DDX52: variants seen among roughly 807,000 people sequenced by gnomAD.
DDX52 encodes DExD-box helicase 52, also known as probable ATP-dependent RNA helicase DDX52.
DDX52 carries 59 observed loss-of-function variants against 76.1 expected under a neutral mutation model. The observed-to-expected ratio is 0.78, with a 90% CI of 0.63 to 0.96. The LOEUF is 0.96. Ranked by LOEUF, DDX52 falls within the 40% of genes least tolerant of loss-of-function variation. The probability of loss-of-function intolerance (pLI) is 0.00; values close to 1 mark genes in which losing one functional copy is unlikely to be tolerated. For missense variants in DDX52, 707 were observed against 703.9 expected (o/e 1.00, Z -0.05); for synonymous variants, 231 against 244.1 (o/e 0.95, Z 0.50).
At chr17:37,629,965 T>C in intron 5 of DDX52, 65 bp downstream of exon 5, 1 of 1,549,922 alleles carries the variant, frequency 6.5e-7, no homozygotes, top group Non-Finnish European at 8.7e-7. Flanking sequence ...TTTTATTACC[T>C]TCAAATAAGA....
At chr17:37,616,307 C>A (rs1049227488) in intron 14 of DDX52, among the ~76,000 whole-genome samples, 3 of 152,150 alleles carry the variant, frequency 2.0e-5, no homozygotes, top group Non-Finnish European at 4.4e-5. Flanking sequence ...TACCAATCCA[C>A]TGGTCTAAGT....
At chr17:37,626,907 CT>C in intron 6 of DDX52, 47 bp from the exon 7 acceptor site, 1 of 1,512,154 alleles carries the variant, frequency 6.6e-7, no homozygotes, top group Non-Finnish European at 9.1e-7. Flanking sequence ...GGATTTATCC[CT>C]CTTGAACTAG....
chr17:37,640,705 A>G (rs79694815), intron 2 of DDX52, among the ~76,000 whole-genome samples: 12 of 140,320 alleles, frequency 8.6e-5, no homozygotes, highest in African/African-American at 3.3e-4. Context: ...AAAAAAAAAA[A>G]GGCCAGGCGC....
intron 12 of DDX52, chr17:37,620,156 G>C (rs2030008941): frequency 3.6e-6 from 1 of 280,898 alleles, no homozygotes; most frequent in South Asian, 8.2e-5. Flanking sequence ...TTCATTAAGT[G>C]AAAGTGCCTA....
intron 12 of DDX52, chr17:37,620,634 T>C (rs1314076045): frequency 1.0e-5 from 4 of 394,508 alleles, no homozygotes; most frequent in Non-Finnish European, 1.8e-5. Context: ...GAGTCCTGAG[T>C]CTGAAACTTA....
chr17:37,624,239 G>A, intron 9 of DDX52, 105 bp downstream of exon 9: 5 of 713,984 alleles, frequency 7.0e-6, no homozygotes, highest in East Asian at 2.7e-5. Flanking sequence ...TACTGAATAC[G>A]AGCCAAGATG....
At chr17:37,628,719 A>T in intron 5 of DDX52, 47 bp from the exon 6 acceptor site, 1 of 1,342,584 alleles carries the variant, frequency 7.4e-7, no homozygotes, top group Non-Finnish European at 1.0e-6. Flanking sequence ...ATACTTGGAC[A>T]AGATGTATAC....
rs2029996835 is a variant in DDX52, at chr17:37,619,940, A to G, written c.1578-101T>C. ...CCTTACAGGGAACTAAAACTACACA[A>G]AGTAATCCACAAAGTGTTCTGATAT... is the stretch of plus-strand genomic sequence containing the variant. On this transcript the variant is annotated intron_variant, in intron 12 of 14. Transcript: ENST00000617633. 10 of 1,100,136 alleles carry G rather than the reference A, an allele frequency of 9.1e-6. No individual in the cohort carries two copies. The Admixed American group carries it at 2.2e-4, about 24-fold the overall frequency. The allele number at this position is 1,100,136 out of a possible 1,614,324, so 68.1% of individuals were successfully genotyped here.
rs1239132742 is a variant in DDX52, at chr17:37,612,758, T to C, written c.*1538A>G. 6.6e-6 allele frequency: 1 copy of C among 152,214 alleles called. No homozygotes were observed. Among genetic ancestry groups the C allele is most frequent in the Non-Finnish European group, 1.5e-5 (1 of 68,040 alleles). The allele number at this position is 152,214 out of a possible 1,614,324, so 9.4% of individuals were successfully genotyped here. A position where few individuals can be genotyped will look rare whatever the true frequency, so the allele number is the denominator to read the frequency against. On this transcript the variant is annotated 3_prime_UTR_variant, in exon 15 of 15. Coordinates refer to ENST00000617633, the MANE Select transcript of DDX52 (RefSeq NM_007010.5). ...AGAAATATTTATTGTGAGTTTACTA[T>C]GTATCAGGTACAGTGCTAGGTACTC...
intron 2 of DDX52, among the ~76,000 whole-genome samples, chr17:37,636,467 C>T (rs993431263): frequency 9.9e-5 from 15 of 152,032 alleles, no homozygotes; most frequent in African/African-American, 3.4e-4. Flanking sequence ...ATGGAAAATC[C>T]GTATTATGAA....
chr17:37,614,055 G>T lies in DDX52; in HGVS notation c.*241C>A. 1 of 421,840 alleles carries T rather than the reference G, an allele frequency of 2.4e-6. No individual in the cohort carries two copies. The allele number at this position is 421,840 out of a possible 1,614,324, so 26.1% of individuals were successfully genotyped here. Reference sequence around the variant, plus strand: ...AGGCAGGAGGATTGTGTGAGGTCAGGAGTTCAAGACCAGCCTGGACAACAT... The same window carrying T: ...AGGCAGGAGGATTGTGTGAGGTCAGTAGTTCAAGACCAGCCTGGACAACAT... On this transcript the variant is annotated 3_prime_UTR_variant, in exon 15 of 15. Transcript: ENST00000617633.
In DDX52 at chr17:37,626,124, G is replaced by A. The variant is rs751958676; in HGVS notation, c.933-26C>T. The A allele has an allele frequency of 8.7e-6, 14 of 1,612,334 alleles. No individual in the cohort carries two copies. The East Asian group carries it at 2.2e-4, about 26-fold the overall frequency. ...CTAAGAAATAACAAAACAACTTGTG[G>A]ATACTGAACTGAAAGATCCAAGACA... On this transcript the variant is annotated intron_variant, in intron 7 of 14. Coordinates refer to ENST00000617633, the MANE Select transcript of DDX52 (RefSeq NM_007010.5).
At chr17:37,640,342 AAAC>A (rs1163716024) in intron 2 of DDX52, among the ~76,000 whole-genome samples, 2 of 152,226 alleles carry the variant, frequency 1.3e-5, no homozygotes, top group Non-Finnish European at 2.9e-5. Flanking sequence ...TACTGATTCC[AAAC>A]AACCTCCAAG....
chr17:37,629,936 G>A lies in DDX52; in HGVS notation c.747+94C>T, dbSNP rs950132813. ...TACTTGACCATGACAGAAGACGTGG[G>A]CCTTGCTTTTTAAGATCTTTTTATT... On this transcript the variant is annotated intron_variant, in intron 5 of 14. Transcript: ENST00000617633. 4.0e-6 allele frequency: 6 copies of A among 1,506,608 alleles called. No homozygotes were observed. The Admixed American group carries it at 1.3e-4, about 34-fold the overall frequency. 93.3% of individuals were successfully genotyped at this position (1,506,608 alleles called of 1,614,324 possible). A position where few individuals can be genotyped will look rare whatever the true frequency, so the allele number is the denominator to read the frequency against.
chr17:37,636,709 A>G (rs1189557932), intron 2 of DDX52, among the ~76,000 whole-genome samples: 1 of 152,226 alleles, frequency 6.6e-6, no homozygotes, highest in African/African-American at 2.4e-5. Context: ...GTTTATGGGG[A>G]CAAAGAAATC....
rs529862747 is a variant in DDX52 at position 37,612,247 on chromosome 17, ATTTT to A, written c.*2045_*2048del. On this transcript the variant is annotated 3_prime_UTR_variant, in exon 15 of 15. Coordinates refer to ENST00000617633, the MANE Select transcript of DDX52 (RefSeq NM_007010.5). ...CCACACCCGGCTAACTTTTTTTGGT[ATTTT>A]TTTTAGTAGAGATGGGGTTTTGCCA... 6.6e-6 allele frequency: 1 copy of A among 150,908 alleles called. No homozygotes were observed. The highest frequency in any genetic ancestry group is 1.5e-5 in the Non-Finnish European group (1 of 67,770). The allele number at this position is 150,908 out of a possible 1,614,324, so 9.3% of individuals were successfully genotyped here.
chr17:37,629,939 T>C (rs2147355788), intron 5 of DDX52, 91 bp downstream of exon 5: 2 of 1,519,768 alleles, frequency 1.3e-6, no homozygotes, highest in South Asian at 2.7e-5. Context: ...GACGTGGGCC[T>C]TGCTTTTTAA....
At chr17:37,626,181 G>A (rs1222139735) in intron 7 of DDX52, 83 bp from the exon 8 acceptor site, 3 of 1,434,428 alleles carry the variant, frequency 2.1e-6, no homozygotes, top group African/African-American at 1.4e-5. Context: ...GTGGACACAT[G>A]AGGAAGTCAA....
In DDX52 at chr17:37,610,977, C is replaced by G. The variant is rs2064337579; in HGVS notation, c.*3319G>C. On this transcript the variant is annotated 3_prime_UTR_variant, in exon 15 of 15. Transcript: ENST00000617633. Reference sequence around the variant, plus strand: ...AAGTTGATACAGGTTACTGTAGATACTTTAAACAGACACAATAAAGTCAAG... The same window carrying G: ...AAGTTGATACAGGTTACTGTAGATAGTTTAAACAGACACAATAAAGTCAAG... 6.6e-6 allele frequency: 1 copy of G among 152,216 alleles called. No homozygotes were observed. Among genetic ancestry groups the G allele is most frequent in the South Asian group, 2.1e-4 (1 of 4,826 alleles). The allele number at this position is 152,216 out of a possible 1,614,324, so 9.4% of individuals were successfully genotyped here.
Sources: gnomAD v4.1 joint callset for allele counts (sites outside exome capture counted in the v4.1 genomes callset) on GRCh38, gnomAD v4.1.1 for gene constraint, MANE v1.5 for transcripts, NCBI Gene and HGNC (gene_info 2026-07-23, HGNC 2026-07-21) for gene names.